Variants in GMPPA observed in about 807,000 individuals in gnomAD.
The protein encoded by GMPPA is mannose-1-phosphate guanylyltransferase regulatory subunit alpha.
A neutral mutation model predicts 58.6 loss-of-function variants in GMPPA; 46 were observed. That is an observed-to-expected ratio of 0.78 (90% confidence interval 0.62 to 1.00). GMPPA has a LOEUF of 1.00. Ranked by LOEUF, GMPPA falls within the 50% of genes least tolerant of loss-of-function variation. The probability of loss-of-function intolerance (pLI) is 0.00; values close to 1 mark genes in which losing one functional copy is unlikely to be tolerated. For synonymous variants in GMPPA, 211 were observed against 214.9 expected (o/e 0.98, Z 0.16); for missense variants, 468 against 556.4 (o/e 0.84, Z 1.60).
At chr2:219,501,353 G>A (rs1009344733) in intron 3 of GMPPA, 123 bp from the exon 4 acceptor site, 2 of 685,570 alleles carry the variant, frequency 2.9e-6, no homozygotes, top group East Asian at 5.0e-5. Context: ...AGAGTGGTGA[G>A]TGCCCTGGGG....
chr2:219,500,276 C>A (rs1032033015), intron 3 of GMPPA, 58 bp downstream of exon 3: 26 of 954,646 alleles, frequency 2.7e-5, no homozygotes, highest in Non-Finnish European at 4.1e-5. Flanking sequence ...ATGCTGTTTC[C>A]CCCTTTCCCA....
At chr2:219,504,387 G>A (rs536815122) in intron 7 of GMPPA, 174 bp downstream of exon 7, 5 of 616,516 alleles carry the variant, frequency 8.1e-6, no homozygotes, top group Non-Finnish European at 1.4e-5. Context: ...ACCTCATTCT[G>A]TCCCTCTTCC....
In GMPPA at chr2:219,499,940, C is replaced by G. The variant is rs1253477569; in HGVS notation, c.-20-16C>G. 1 of 1,604,960 alleles carries G rather than the reference C, an allele frequency of 6.2e-7. No homozygotes were observed. The highest frequency in any genetic ancestry group is 1.1e-5 in the South Asian group (1 of 90,888). On this transcript the variant is annotated splice_polypyrimidine_tract_variant and intron_variant, in intron 1 of 12. Transcript: ENST00000313597. The stretch of plus-strand genomic sequence containing the variant: ...GGTAGGAGATCTGAGCTTGATTTCT[C>G]TGTTGGAATTTGAAGTTTAGGTAGC...
In GMPPA at chr2:219,502,004, C is replaced by T. The variant is rs777343237; in HGVS notation, c.396C>T (p.Arg132=). 1.9e-6 allele frequency: 3 copies of T among 1,614,114 alleles called. No individual in the cohort carries two copies. The highest frequency in any genetic ancestry group is 1.6e-4 in the Middle Eastern group (1 of 6,084). ...GTGCTATGTTGGAAGCCCACCGACG[C>T]CAGCGTCACCCTTTCTTACTCCTTG... ...PLSAMLEAHR[R]QRHPFLLLGT... is the part of the protein sequence containing the mutation. Residue 132 remains arginine (R), a synonymous_variant, in exon 5 of 13, where the codon CGC becomes CGT. Transcript: ENST00000313597. This position sits in a 1 kb window ranked among gnomAD's most constrained non-coding sequence, Gnocchi z 4.0.
chr2:219,502,560 G>A lies in GMPPA; in HGVS notation c.489+119G>A. The A allele has an allele frequency of 1.4e-6, 1 of 718,850 alleles. No homozygotes were observed. Among genetic ancestry groups the A allele is most frequent in the Non-Finnish European group, 2.5e-6 (1 of 405,680 alleles). 44.5% of individuals were successfully genotyped at this position (718,850 alleles called of 1,614,324 possible). Reference sequence around the variant, plus strand: ...GGCTCTAGTCTTGTCAGACAGGTGAGACACTCCCGATTAATCATCTTATAT... The same window carrying A: ...GGCTCTAGTCTTGTCAGACAGGTGAAACACTCCCGATTAATCATCTTATAT... On this transcript the variant is annotated intron_variant, in intron 6 of 12. Transcript: ENST00000313597. This position sits in a 1 kb window ranked among gnomAD's most constrained non-coding sequence, Gnocchi z 4.0.
chr2:219,504,516 G>A (rs996535523), intron 7 of GMPPA: 3 of 455,318 alleles, frequency 6.6e-6, no homozygotes, highest in Non-Finnish European at 1.2e-5. Context: ...ACAGTTGGGC[G>A]CACACATGCT....
At chr2:219,499,430 G>A (rs1370905956) in intron 1 of GMPPA, among the ~76,000 whole-genome samples, 4 of 152,192 alleles carry the variant, frequency 2.6e-5, no homozygotes, top group African/African-American at 9.7e-5. Flanking sequence ...TTGGGGTTCA[G>A]GGCTTAATAT....
chr2:219,499,807 G>A (rs1364734456), intron 1 of GMPPA, 149 bp from the exon 2 acceptor site: 2 of 672,340 alleles, frequency 3.0e-6, no homozygotes, highest in African/African-American at 3.6e-5. Flanking sequence ...GATTTGAGAT[G>A]TGTGGGATTT....
At chr2:219,503,569 G>T (rs1449932171) in intron 6 of GMPPA, among the ~76,000 whole-genome samples, 1 of 152,232 alleles carries the variant, frequency 6.6e-6, no homozygotes, top group Non-Finnish European at 1.5e-5. Flanking sequence ...CCAAATGGGT[G>T]CAGTCCCTGC....
rs1226616009 is a variant in GMPPA, at chr2:219,503,405, A to T, written c.490-678A>T. ...CTTCCAAAGTGCTAGGATTATAGGC[A>T]TGAGCCACCACCATACCTGGCGTCA... On this transcript the variant is annotated intron_variant, in intron 6 of 12. Transcript: ENST00000313597. 2.6e-5 allele frequency among the ~76,000 whole-genome samples: 4 copies of T among 152,294 alleles called. No homozygotes were observed. The East Asian group carries it at 7.7e-4, about 29-fold the overall frequency.
rs768293772 is a variant in GMPPA at position 219,506,708 on chromosome 2, C to T, written c.1173C>T (p.Val391=). 3.1e-6 allele frequency: 5 copies of T among 1,595,034 alleles called. No homozygotes were observed. The Admixed American group carries it at 8.3e-5, about 27-fold the overall frequency. The part of the protein sequence containing the change: ...LPAITILGCR[V]RIPAEVLILN... ...TCATCCATGCTGCAGGCTGCCGAGT[C>T]CGGATCCCTGCCGAGGTGCTCATCC... The change falls in exon 13 of 13, where the codon GTC becomes GTT. Residue 391 remains valine, a synonymous_variant. Transcript: ENST00000313597.
intron 7 of GMPPA, chr2:219,504,905 G>T: frequency 8.7e-7 from 1 of 1,156,030 alleles, no homozygotes; most frequent in Non-Finnish European, 1.1e-6. Context: ...CCAATGAGGG[G>T]GAGGGTAACT....
chr2:219,502,643 G>A lies in GMPPA; in HGVS notation c.489+202G>A. ...GGAATGGTTAATTTCCCTGGGGGTGGTGCTGTAATAAATGTATGCACAGTG... is the reference window on the plus strand; with the variant it reads ...GGAATGGTTAATTTCCCTGGGGGTGATGCTGTAATAAATGTATGCACAGTG... On this transcript the variant is annotated intron_variant, in intron 6 of 12. Transcript: ENST00000313597. This position sits in a 1 kb window ranked among gnomAD's most constrained non-coding sequence, Gnocchi z 4.0. Among the ~76,000 whole-genome samples, 1 of 152,018 alleles carries A rather than the reference G, an allele frequency of 6.6e-6. No individual in the cohort carries two copies. Among genetic ancestry groups the A allele is most frequent in the East Asian group, 1.9e-4 (1 of 5,180 alleles).
At position 219,505,473 on chromosome 2, in the gene GMPPA, C is replaced by T. The variant is rs1469922587; in HGVS notation, c.771C>T (p.Ala257=). The change falls in exon 9 of 13, where the codon GCC becomes GCT. Residue 257 remains alanine (A), a synonymous_variant. Transcript: ENST00000313597. The part of the protein sequence containing the change: ...QIKSAGSALY[A]SRLYLSRYQD... ...CGGTCCCCAGTTCAGCCCTCTACGCCTCCCGCCTCTACCTGAGCCGATACC... is the reference window on the plus strand; with the variant it reads ...CGGTCCCCAGTTCAGCCCTCTACGCTTCCCGCCTCTACCTGAGCCGATACC... 1.3e-6 allele frequency: 2 copies of T among 1,565,160 alleles called. No homozygotes were observed. The highest frequency in any genetic ancestry group is 1.2e-5 in the South Asian group (1 of 85,886).
chr2:219,500,034 G>T lies in GMPPA; in HGVS notation c.40+19G>T, dbSNP rs1341793665. 1.9e-6 allele frequency: 3 copies of T among 1,611,944 alleles called. No homozygotes were observed. Among genetic ancestry groups the T allele is most frequent in the South Asian group, 1.1e-5 (1 of 90,984 alleles). On this transcript the variant is annotated intron_variant, in intron 2 of 12. Coordinates refer to ENST00000313597, the MANE Select transcript of GMPPA (RefSeq NM_013335.4). ...CAAAAGGGTGAGGTGCCAGGGGAAT[G>T]GGGGGAGGAGGTTGGGCTGGAGTGG...
intron 11 of GMPPA, 86 bp from the exon 12 acceptor site, chr2:219,506,166 TGG>T: frequency 1.4e-6 from 2 of 1,481,308 alleles, no homozygotes; most frequent in Non-Finnish European, 1.8e-6. Context: ...GTGAACGCCG[TGG>T]GCTCTGCATC....
chr2:219,504,941 G>T (rs1460812425), intron 7 of GMPPA: 4 of 1,048,956 alleles, frequency 3.8e-6, no homozygotes, highest in Non-Finnish European at 3.8e-6. Flanking sequence ...GCTGAATGGG[G>T]ATGAGAATGT....
intron 7 of GMPPA, 117 bp from the exon 8 acceptor site, chr2:219,505,111 G>C (rs1485439308): frequency 2.5e-6 from 3 of 1,202,154 alleles, no homozygotes; most frequent in Non-Finnish European, 3.5e-6. Flanking sequence ...CAGACCTGGA[G>C]AGAGGGGCTT....
chr2:219,501,665 G>A, intron 4 of GMPPA, 86 bp downstream of exon 4: 2 of 970,928 alleles, frequency 2.1e-6, no homozygotes, highest in South Asian at 2.6e-5. Flanking sequence ...AGCATTTGCT[G>A]GAGTTCATCC....
Sources: allele counts gnomAD v4.1 joint callset (sites outside exome capture counted in the v4.1 genomes callset), GRCh38; gene constraint gnomAD v4.1.1; non-coding constraint Gnocchi (gnomAD v3.1); transcripts MANE v1.5; gene names NCBI Gene and HGNC (gene_info 2026-07-23, HGNC 2026-07-21).